RGS8: variants seen among roughly 807,000 people sequenced by gnomAD.
RGS8 encodes regulator of G protein signaling 8, also known as regulator of G-protein signaling 8.
RGS8 carries 8 observed loss-of-function variants against 21.7 expected under a neutral mutation model. The ratio of observed to expected loss-of-function variants is 0.37; its 90% CI spans 0.22 to 0.66. The LOEUF is 0.66. RGS8 is among the 30% of genes least tolerant of loss of function. The pLI is 0.59. For missense variants in RGS8, 157 were observed against 217.9 expected, an observed-to-expected ratio of 0.72 and a Z score of 1.76; for synonymous variants, 80 against 83.6, an observed-to-expected ratio of 0.96 and a Z score of 0.24.
the RGS8 span, among the ~76,000 whole-genome samples, chr1:182,691,091 C>T: frequency 3.3e-3 from 508 of 152,310 alleles, 1 homozygote; most frequent in African/African-American, 0.011. Flanking sequence ...CCAGCCAATC[C>T]ACCAGCTGAC....
intron 4 of RGS8, 103 bp downstream of exon 5, chr1:182,666,769 A>T: frequency 1.2e-6 from 1 of 813,728 alleles, no homozygotes; most frequent in Non-Finnish European, 2.2e-6. Context: ...CTGCCAAGAG[A>T]CAGGATTTTT....
At chr1:182,723,630 C>T in the RGS8 span, among the ~76,000 whole-genome samples, 2 of 152,168 alleles carry the variant, frequency 1.3e-5, no homozygotes, top group African/African-American at 4.8e-5. Context: ...GTCCCACAGA[C>T]CAACTCAAGA....
chr1:182,752,169 C>A, the RGS8 span, among the ~76,000 whole-genome samples: 1 of 152,192 alleles, frequency 6.6e-6, no homozygotes, highest in Non-Finnish European at 1.5e-5. Flanking sequence ...ATGACAGAGA[C>A]AAGACTTCCA....
chr1:182,643,366 C>T (rs1662563551), downstream of RGS8: 1 of 140,460 alleles, frequency 7.1e-6, no homozygotes, highest in South Asian at 2.5e-4. Context: ...TCCTTAGACT[C>T]AATGCTTCCT....
intron 5 of RGS8, among the ~76,000 whole-genome samples, chr1:182,653,409 GGTAGGGCCAGGC>G (rs1663116809): frequency 6.6e-6 from 1 of 151,692 alleles, no homozygotes; most frequent in Non-Finnish European, 1.5e-5. Context: ...GATAGACTTG[GGTAGGGCCAGGC>G]GCAGTTGCTC....
the RGS8 span, among the ~76,000 whole-genome samples, chr1:182,702,266 G>A: frequency 6.6e-6 from 1 of 152,192 alleles, no homozygotes; most frequent in Non-Finnish European, 1.5e-5. Context: ...CAGCAACATG[G>A]ATGCAGGTGG....
At chr1:182,679,232 T>A (rs1348231964) in intron 1 of RGS8, among the ~76,000 whole-genome samples, 1 of 151,992 alleles carries the variant, frequency 6.6e-6, no homozygotes, top group Non-Finnish European at 1.5e-5. Context: ...CTCCTCTGCT[T>A]CCTCACTTCC....
At chr1:182,680,281 A>T (rs185710945) in intron 1 of RGS8, among the ~76,000 whole-genome samples, 1 of 152,312 alleles carries the variant, frequency 6.6e-6, no homozygotes, top group Non-Finnish European at 1.5e-5. Flanking sequence ...GGCTACCTTG[A>T]GAGTCACCTA....
downstream of RGS8, chr1:182,643,850 G>A (rs572296637): frequency 6.6e-6 from 1 of 152,448 alleles, no homozygotes; most frequent in East Asian, 1.9e-4. Context: ...GCCCTCCAGT[G>A]GGGCAAGATC....
upstream of RGS8, among the ~76,000 whole-genome samples, chr1:182,688,454 GAA>G (rs1664753204): frequency 6.6e-6 from 1 of 152,166 alleles, no homozygotes; most frequent in Non-Finnish European, 1.5e-5. Context: ...GGGAAAAGAA[GAA>G]AAAGAGGCGA....
chr1:182,751,184 G>C, the RGS8 span, among the ~76,000 whole-genome samples: 1 of 152,194 alleles, frequency 6.6e-6, no homozygotes, highest in Admixed American at 6.5e-5. Context: ...TGGAAATAAA[G>C]ATCATGCCAA....
At chr1:182,739,197 G>T in the RGS8 span, among the ~76,000 whole-genome samples, 1 of 152,200 alleles carries the variant, frequency 6.6e-6, no homozygotes, top group Non-Finnish European at 1.5e-5. Flanking sequence ...ACAGTCAGCT[G>T]CTACTTGGCT....
chr1:182,662,008 T>C (rs1205134601), intron 5 of RGS8, among the ~76,000 whole-genome samples: 3 of 152,240 alleles, frequency 2.0e-5, no homozygotes, highest in African/African-American at 4.8e-5. Flanking sequence ...TGTTTGTTTT[T>C]TTGTTTTTAA....
the RGS8 span, among the ~76,000 whole-genome samples, chr1:182,742,757 G>T: frequency 6.6e-6 from 1 of 151,904 alleles, no homozygotes. Flanking sequence ...GAGGGACAGG[G>T]ACAGGGACAG....
chr1:182,747,043 CTTTTTTTTTTTTTTTTTTTTTTT>C, the RGS8 span, among the ~76,000 whole-genome samples: 1 of 21,050 alleles, frequency 4.8e-5, no homozygotes, highest in South Asian at 2.5e-3. Flanking sequence ...CACTGCTGGT[CTTTTTTTTTTTTTTTTTTTTTTT>C]TTTTTTTTTT....
chr1:182,672,861 G>A (rs1664230271), upstream of RGS8: 2 of 1,613,790 alleles, frequency 1.2e-6, no homozygotes, highest in African/African-American at 1.3e-5. Context: ...CCAGAAGGAG[G>A]ACTCTCTTCC....
chr1:182,742,318 C>A, the RGS8 span, among the ~76,000 whole-genome samples: 1 of 151,626 alleles, frequency 6.6e-6, no homozygotes, highest in African/African-American at 2.4e-5. Flanking sequence ...GGAGACGCTC[C>A]TCACTTCCCA....
chr1:182,671,530 A>G, intron 2 of RGS8, 127 bp downstream of exon 3: 1 of 772,250 alleles, frequency 1.3e-6, no homozygotes, highest in South Asian at 1.7e-5. Flanking sequence ...GGGGGAGAGA[A>G]ACTAGAGCCT....
exon 7 of RGS8, chr1:182,646,822 G>GCTGTGTACTTTT: frequency 6.2e-7 from 1 of 1,614,102 alleles, no homozygotes; most frequent in Non-Finnish European, 8.5e-7. Context: ...TCTCCATGAG[G>GCTGTGTACTTTT]CTGTGTACTT....
Sources: gnomAD v4.1 joint callset for allele counts (sites outside exome capture counted in the v4.1 genomes callset) on GRCh38, gnomAD v4.1.1 for gene constraint, MANE v1.5 for transcripts, NCBI Gene and HGNC (gene_info 2026-07-23, HGNC 2026-07-21) for gene names.